The following ADGRL4 variants were observed in gnomAD, a reference collection of about 807,000 sequenced individuals.
ADGRL4 encodes the protein adhesion G protein-coupled receptor L4, also known as EGF, latrophilin and seven transmembrane domain containing 1.
A neutral mutation model predicts 74.8 loss-of-function variants in ADGRL4; 90 were observed. The ratio of observed to expected loss-of-function variants is 1.20; its 90% confidence interval spans 1.02 to 1.43. The LOEUF (loss-of-function observed/expected upper bound fraction) is 1.43. Ranked by LOEUF, ADGRL4 falls within the 40% of genes most tolerant of loss-of-function variation. The pLI is 0.00. For missense variants in ADGRL4, 881 were observed against 814.3 expected, an observed-to-expected ratio of 1.08 and a Z score of -1.00; for synonymous variants, 311 against 279.2, an observed-to-expected ratio of 1.11 and a Z score of -1.14.
At chr1:78,958,890 A>G (rs1649886408) in intron 2 of ADGRL4, among the ~76,000 whole-genome samples, 1 of 152,180 alleles carries the variant, frequency 6.6e-6, no homozygotes, top group African/African-American at 2.4e-5. Context: ...GTTTTAAGAA[A>G]TTGTTGCAGT....
intron 2 of ADGRL4, among the ~76,000 whole-genome samples, chr1:78,956,642 A>G (rs1435190225): frequency 6.6e-6 from 1 of 152,218 alleles, no homozygotes; most frequent in Non-Finnish European, 1.5e-5. Context: ...ATTATTTGTC[A>G]CAATGAATAA....
intron 2 of ADGRL4, among the ~76,000 whole-genome samples, chr1:78,992,551 T>G (rs1192339453): frequency 1.3e-5 from 2 of 152,084 alleles, no homozygotes; most frequent in Non-Finnish European, 2.9e-5. Flanking sequence ...CCAACAGCCA[T>G]GAAAACTTTT....
intron 8 of ADGRL4, among the ~76,000 whole-genome samples, chr1:78,924,121 T>A (rs1244064247): frequency 3.3e-5 from 5 of 152,018 alleles, no homozygotes; most frequent in African/African-American, 1.2e-4. Context: ...TAAATTTTAA[T>A]TAAAATATTA....
At chr1:78,931,905 G>C (rs577190484) in intron 7 of ADGRL4, among the ~76,000 whole-genome samples, 4 of 151,220 alleles carry the variant, frequency 2.6e-5, no homozygotes, top group African/African-American at 7.4e-5. Context: ...ATATGCACCC[G>C]ATACAGGAGC....
intron 2 of ADGRL4, among the ~76,000 whole-genome samples, chr1:78,950,969 A>C (rs1649710693): frequency 1.3e-5 from 2 of 152,172 alleles, no homozygotes; most frequent in African/African-American, 4.8e-5. Context: ...ACGTATCAAT[A>C]GTTCTATAGT....
intron 7 of ADGRL4, among the ~76,000 whole-genome samples, chr1:78,933,072 A>G (rs2100683379): frequency 6.6e-6 from 1 of 151,586 alleles, no homozygotes; most frequent in Non-Finnish European, 1.5e-5. Context: ...TCCCTAGCTC[A>G]TTTTATGAAG....
At chr1:78,949,498 G>A (rs923607056) in intron 2 of ADGRL4, among the ~76,000 whole-genome samples, 1 of 151,966 alleles carries the variant, frequency 6.6e-6, no homozygotes, top group Non-Finnish European at 1.5e-5. Context: ...AATATTGTTC[G>A]GTAAAATACC....
At chr1:78,926,852 A>G in intron 8 of ADGRL4, 34 bp downstream of exon 8, 2 of 1,484,006 alleles carry the variant, frequency 1.3e-6, no homozygotes, top group Non-Finnish European at 9.4e-7. Flanking sequence ...CTGTATCACA[A>G]TCATAGCCAA....
chr1:78,905,313 A>G (rs1648613437), intron 12 of ADGRL4, among the ~76,000 whole-genome samples: 1 of 152,208 alleles, frequency 6.6e-6, no homozygotes, highest in African/African-American at 2.4e-5. Context: ...TATAGAAAGA[A>G]AGAAATAACT....
At chr1:78,937,759 G>C in intron 6 of ADGRL4, 48 bp downstream of exon 6, 1 of 1,553,286 alleles carries the variant, frequency 6.4e-7, no homozygotes, top group Non-Finnish European at 8.7e-7. Context: ...TTTGAAAATG[G>C]CTTATTTGGA....
In ADGRL4 at chr1:78,963,702, A is replaced by G. The variant is rs531974905; in HGVS notation, c.173-17276T>C. Among the ~76,000 whole-genome samples, 7 of 152,308 alleles carry G rather than the reference A, an allele frequency of 4.6e-5. No individual in the cohort carries two copies. The South Asian group carries it at 6.2e-4, about 14-fold the overall frequency. On this transcript the variant is annotated intron_variant, in intron 2 of 14. Transcript: ENST00000370742. ...ATCATTAGTCTTGTGACAATTTTAC[A>G]TGATTTCTTCATAAAATGAGATGAA...
chr1:78,966,225 T>A (rs554234576), intron 2 of ADGRL4, among the ~76,000 whole-genome samples: 3 of 152,306 alleles, frequency 2.0e-5, no homozygotes, highest in African/African-American at 7.2e-5. Flanking sequence ...TCTCTCCTGT[T>A]CTGGGGTGTG....
At chr1:78,949,266 T>G (rs948786107) in intron 2 of ADGRL4, among the ~76,000 whole-genome samples, 2 of 152,158 alleles carry the variant, frequency 1.3e-5, no homozygotes, top group African/African-American at 4.8e-5. Context: ...AATATGTTGC[T>G]TAACCCTGAA....
At chr1:78,981,269 T>C (rs1331971550) in intron 2 of ADGRL4, among the ~76,000 whole-genome samples, 1 of 151,952 alleles carries the variant, frequency 6.6e-6, no homozygotes, top group Non-Finnish European at 1.5e-5. Context: ...AAAAATTTAA[T>C]ATTTTAAAGT....
intron 3 of ADGRL4, among the ~76,000 whole-genome samples, chr1:78,942,103 G>T (rs946043228): frequency 3.4e-5 from 5 of 148,054 alleles, no homozygotes; most frequent in African/African-American, 1.2e-4. Context: ...GGGAGGCTGA[G>T]GCAGGAGAAT....
chr1:78,966,650 T>A (rs1228249992), intron 2 of ADGRL4, among the ~76,000 whole-genome samples: 1 of 152,104 alleles, frequency 6.6e-6, no homozygotes, highest in Non-Finnish European at 1.5e-5. Flanking sequence ...TCACTCCCCC[T>A]CCTCTTCCAG....
intron 2 of ADGRL4, among the ~76,000 whole-genome samples, chr1:78,961,522 G>A (rs566505881): frequency 1.3e-5 from 2 of 152,246 alleles, no homozygotes; most frequent in African/African-American, 4.8e-5. Flanking sequence ...GAAGCCATCC[G>A]CTCAAGTCAC....
intron 12 of ADGRL4, among the ~76,000 whole-genome samples, chr1:78,898,494 A>G (rs895576337): frequency 4.6e-5 from 7 of 151,136 alleles, no homozygotes; most frequent in African/African-American, 1.7e-4. Flanking sequence ...ATATTCCTTC[A>G]TTATCACTTT....
intron 12 of ADGRL4, 31 bp from the exon 13 acceptor site, chr1:78,893,220 T>C (rs756246824): frequency 3.7e-6 from 5 of 1,364,488 alleles, no homozygotes; most frequent in Admixed American, 3.8e-5. Context: ...AAAGAAGAGA[T>C]AGTTTTCATC....
Sources: gnomAD v4.1 joint callset for allele counts (sites outside exome capture counted in the v4.1 genomes callset) on GRCh38, gnomAD v4.1.1 for gene constraint, MANE v1.5 for transcripts, NCBI Gene and HGNC (gene_info 2026-07-23, HGNC 2026-07-21) for gene names.